The following ABL2 variants were observed in gnomAD, a reference collection of about 807,000 sequenced individuals.
The protein encoded by ABL2 is ABL proto-oncogene 2, non-receptor tyrosine kinase.
Under a neutral mutation model 107.7 loss-of-function variants are expected in ABL2, and 49 were observed. The observed-to-expected ratio is 0.45, with a 90% confidence interval of 0.36 to 0.58. The LOEUF (loss-of-function observed/expected upper bound fraction) is 0.58, where lower values mean the gene tolerates loss of function less well. ABL2 is among the 20% of genes least tolerant of loss of function. The pLI is 0.00. For synonymous variants in ABL2, 549 were observed against 548.6 expected (o/e 1.00, Z -0.01); for missense variants, 1,245 against 1,457.0 (o/e 0.85, Z 2.37).
At chr1:179,114,233 G>C (rs904865663) in intron 9 of ABL2, among the ~76,000 whole-genome samples, 1 of 151,972 alleles carries the variant, frequency 6.6e-6, no homozygotes, top group Non-Finnish European at 1.5e-5. Context: ...GGGCAACATA[G>C]TGAGAGTCCG....
chr1:179,159,290 G>A (rs572503851), intron 1 of ABL2, among the ~76,000 whole-genome samples: 2 of 152,302 alleles, frequency 1.3e-5, no homozygotes, highest in South Asian at 4.1e-4. Context: ...AATTCATAAA[G>A]AGGGTCTACA....
intron 1 of ABL2, among the ~76,000 whole-genome samples, chr1:179,148,509 T>C (rs1233380359): frequency 1.3e-5 from 2 of 152,208 alleles, no homozygotes; most frequent in Non-Finnish European, 2.9e-5. Flanking sequence ...AACTGCGCCA[T>C]AGGAGACAGC....
chr1:179,120,386 T>C (rs1655075829), intron 5 of ABL2, 112 bp from the exon 6 acceptor site: 2 of 530,614 alleles, frequency 3.8e-6, no homozygotes, highest in Non-Finnish European at 6.6e-6. Flanking sequence ...GTAAAAACTA[T>C]CTTTTGAATA....
Position 179,218,611 on chromosome 1 carries a change from G to T in ABL2, c.157+10630C>A, listed in dbSNP as rs1348484011. Among the ~76,000 whole-genome samples the T allele has an allele frequency of 2.6e-5, 4 of 152,282 alleles. No individual in the cohort carries two copies. In the East Asian group the frequency reaches 7.7e-4, roughly 29 times the overall value. ...GGGGTTTCACCATGTAGGCCAGGAG[G>T]ATGGTCTTGATCTCCTGACCTTGTG... On this transcript the variant is annotated intron_variant, in intron 1 of 11. Transcript: ENST00000502732.
At chr1:179,198,116 A>G (rs906412652) in intron 1 of ABL2, among the ~76,000 whole-genome samples, 1 of 148,466 alleles carries the variant, frequency 6.7e-6, no homozygotes, top group Non-Finnish European at 1.5e-5. Flanking sequence ...CAAAGCTGCA[A>G]CGAGTTGTGC....
chr1:179,211,331 C>A (rs933704703), intron 1 of ABL2, among the ~76,000 whole-genome samples: 1 of 151,818 alleles, frequency 6.6e-6, no homozygotes, highest in Admixed American at 6.6e-5. Context: ...TCTGCCTGGG[C>A]AACAAAAGAG....
chr1:179,176,699 A>ATTTTTTTTTTTTT (rs1553229037), intron 1 of ABL2, among the ~76,000 whole-genome samples: 5 of 25,250 alleles, frequency 2.0e-4, no homozygotes, highest in African/African-American at 4.8e-4. Context: ...GTTGTTACAT[A>ATTTTTTTTTTTTT]TTCTTTTTTT....
chr1:179,182,925 AT>A (rs1027415968), intron 1 of ABL2, among the ~76,000 whole-genome samples: 1 of 151,846 alleles, frequency 6.6e-6, no homozygotes, highest in Non-Finnish European at 1.5e-5. Flanking sequence ...GGATATCAGC[AT>A]TTTTTTTGAG....
intron 1 of ABL2, among the ~76,000 whole-genome samples, chr1:179,158,948 T>C (rs1658876772): frequency 6.6e-6 from 1 of 152,188 alleles, no homozygotes; most frequent in African/African-American, 2.4e-5. Context: ...ACCTAACACA[T>C]GTGAAGTGTG....
At chr1:179,110,191 G>T in intron 11 of ABL2, 91 bp downstream of exon 11, 2 of 1,441,212 alleles carry the variant, frequency 1.4e-6, no homozygotes, top group South Asian at 1.2e-5. Flanking sequence ...CAGGGAGGAC[G>T]GGCATGAAAG....
chr1:179,113,922 A>G (rs528743933), intron 9 of ABL2, among the ~76,000 whole-genome samples: 1 of 146,160 alleles, frequency 6.8e-6, no homozygotes, highest in African/African-American at 2.5e-5. Context: ...CGACAGAGCG[A>G]GACTCCGTCT....
At chr1:179,146,193 C>T (rs888505405) in intron 1 of ABL2, among the ~76,000 whole-genome samples, 3 of 152,040 alleles carry the variant, frequency 2.0e-5, no homozygotes, top group Middle Eastern at 3.2e-3. Context: ...GAAAACTATG[C>T]AGTAGTTCAG....
chr1:179,162,707 G>C (rs1388897154), intron 1 of ABL2, among the ~76,000 whole-genome samples: 2 of 152,172 alleles, frequency 1.3e-5, no homozygotes, highest in Non-Finnish European at 2.9e-5. Context: ...TAGTATTATA[G>C]GGAATGGACT....
chr1:179,139,167 T>C (rs1657333869), intron 1 of ABL2, among the ~76,000 whole-genome samples: 1 of 152,114 alleles, frequency 6.6e-6, no homozygotes. Context: ...CTCTTTGCAA[T>C]AAATCTTGCT....
rs140727930 is a variant in ABL2 at position 179,179,089 on chromosome 1, A to G, written c.158-45715T>C. ...AAACACAACTACATTAACAACAGTTACATCCTAAGCAGGAATACAATTTAA... is the reference window on the plus strand; with the variant it reads ...AAACACAACTACATTAACAACAGTTGCATCCTAAGCAGGAATACAATTTAA... On this transcript the variant is annotated intron_variant, in intron 1 of 11. Coordinates refer to ENST00000502732, the MANE Select transcript of ABL2 (RefSeq NM_007314.4). Among the ~76,000 whole-genome samples the G allele has an allele frequency of 4.9e-3, 748 of 152,350 alleles. 6 individuals carry two copies. Among genetic ancestry groups the G allele is most frequent in the African/African-American group, 0.017 (701 of 41,574 alleles).
chr1:179,103,480 AAAG>A lies in ABL2; in HGVS notation c.*4235_*4237del, dbSNP rs199595300. Reference sequence around the variant, plus strand: ...ATAATGTGAACAATAAAGTTTTTTTAAAGAAAAGGGAATGTAGGACTAACTAGG... The same window carrying A: ...ATAATGTGAACAATAAAGTTTTTTTAAAAAGGGAATGTAGGACTAACTAGG... On this transcript the variant is annotated 3_prime_UTR_variant, in exon 12 of 12. Transcript: ENST00000502732. 5.1e-3 allele frequency: 1,059 copies of A among 207,506 alleles called. 18 individuals carry two copies. The highest frequency in any genetic ancestry group is 0.023 in the African/African-American group (1,019 of 44,016). The allele number at this position is 207,506 out of a possible 1,614,324, so 12.9% of individuals were successfully genotyped here. A position where few individuals can be genotyped will look rare whatever the true frequency, so the allele number is the denominator to read the frequency against.
rs996874926 is a variant in ABL2, at chr1:179,106,551, T to C, written c.*1167A>G. On this transcript the variant is annotated 3_prime_UTR_variant, in exon 12 of 12. Transcript: ENST00000502732. ...TGAGAATAATGTGGGGGTGATTCACTTCAAATCCATAGAGAGGAGAATGCC... is the reference window on the plus strand; with the variant it reads ...TGAGAATAATGTGGGGGTGATTCACCTCAAATCCATAGAGAGGAGAATGCC... 4 of 232,964 alleles carry C rather than the reference T, an allele frequency of 1.7e-5. No homozygotes were observed. Among genetic ancestry groups the C allele is most frequent in the Non-Finnish European group, 3.4e-5 (4 of 117,976 alleles). The allele number at this position is 232,964 out of a possible 1,614,324, so 14.4% of individuals were successfully genotyped here.
rs972045371 is a variant in ABL2, at chr1:179,229,111, C to G, written c.157+130G>C. 19 of 1,188,678 alleles carry G rather than the reference C, an allele frequency of 1.6e-5. No homozygotes were observed. In the Admixed American group the frequency reaches 3.6e-4, roughly 23 times the overall value. The allele number at this position is 1,188,678 out of a possible 1,614,324, so 73.6% of individuals were successfully genotyped here. A position where few individuals can be genotyped will look rare whatever the true frequency, so the allele number is the denominator to read the frequency against. On this transcript the variant is annotated intron_variant, in intron 1 of 11. Coordinates refer to ENST00000502732, the MANE Select transcript of ABL2 (RefSeq NM_007314.4). ...CTCCCAGGACTGGACCAGATGGCAG[C>G]GGATTCCGCCCCCACTCTCAGGCAC...
chr1:179,135,745 C>T (rs1656859112), intron 1 of ABL2, among the ~76,000 whole-genome samples: 1 of 142,648 alleles, frequency 7.0e-6, no homozygotes, highest in African/African-American at 2.6e-5. Context: ...AGCCCCTCTG[C>T]CCGGCCAGCT....
Sources: gnomAD v4.1 joint callset for allele counts (sites outside exome capture counted in the v4.1 genomes callset) on GRCh38, gnomAD v4.1.1 for gene constraint, MANE v1.5 for transcripts, NCBI Gene and HGNC (gene_info 2026-07-23, HGNC 2026-07-21) for gene names.